IQSEC1: variants seen among roughly 807,000 people sequenced by gnomAD.
IQSEC1 encodes the protein IQ motif and Sec7 domain ArfGEF 1.
IQSEC1 carries 31 observed loss-of-function variants against 91.0 expected under a neutral mutation model. That is an observed-to-expected ratio of 0.34 (90% CI 0.26 to 0.46). The LOEUF (loss-of-function observed/expected upper bound fraction) is 0.46, where lower values mean the gene tolerates loss of function less well. IQSEC1 is among the 20% of genes least tolerant of loss of function. The probability of loss-of-function intolerance (pLI) is 1.00; values close to 1 mark genes in which losing one functional copy is unlikely to be tolerated. For synonymous variants in IQSEC1, 699 were observed against 662.6 expected (o/e 1.05, Z -0.84); for missense variants, 1,388 against 1,575.6 (o/e 0.88, Z 2.02).
intron 13 of IQSEC1, 60 bp from the exon 14 acceptor site, chr3:12,901,582 GA>G: frequency 2.2e-6 from 3 of 1,374,766 alleles, no homozygotes; most frequent in Middle Eastern, 1.8e-4. Context: ...AGGTCAGAAT[GA>G]TTTTTTTTTT....
intron 6 of IQSEC1, among the ~76,000 whole-genome samples, chr3:12,916,690 G>A (rs1290899580): frequency 2.6e-5 from 4 of 152,222 alleles, no homozygotes; most frequent in Non-Finnish European, 4.4e-5. Flanking sequence ...CATGGGAAAT[G>A]AGACACATAC....
At chr3:13,007,768 G>A (rs1368995976) in intron 1 of IQSEC1, among the ~76,000 whole-genome samples, 1 of 152,208 alleles carries the variant, frequency 6.6e-6, no homozygotes, top group Admixed American at 6.5e-5. Context: ...CGGTTTCTGT[G>A]CTTGCAGATG....
At chr3:13,135,827 T>C (rs931404849) in intron 2 of IQSEC1, among the ~76,000 whole-genome samples, 10 of 152,140 alleles carry the variant, frequency 6.6e-5, no homozygotes, top group African/African-American at 2.4e-4. Flanking sequence ...ATGGGAAGGC[T>C]GTCGAGGGCC....
intron 2 of IQSEC1, among the ~76,000 whole-genome samples, chr3:13,144,776 G>A (rs911977872): frequency 6.6e-6 from 1 of 152,246 alleles, no homozygotes; most frequent in Non-Finnish European, 1.5e-5. Flanking sequence ...GAAAAGGCCA[G>A]GACTGATAGC....
chr3:13,032,873 ATTT>A (rs1703898453), intron 1 of IQSEC1, among the ~76,000 whole-genome samples: 1 of 152,100 alleles, frequency 6.6e-6, no homozygotes, highest in Non-Finnish European at 1.5e-5. Flanking sequence ...CCTTAAAAAT[ATTT>A]TTTAAAACAT....
intron 1 of IQSEC1, among the ~76,000 whole-genome samples, chr3:13,034,156 C>T (rs975535128): frequency 1.3e-5 from 2 of 152,190 alleles, no homozygotes; most frequent in Non-Finnish European, 2.9e-5. Flanking sequence ...GTGACAGGCC[C>T]TGCCAGGCGA....
intron 1 of IQSEC1, among the ~76,000 whole-genome samples, chr3:13,048,065 T>C (rs1280008599): frequency 6.6e-6 from 1 of 152,144 alleles, no homozygotes; most frequent in Non-Finnish European, 1.5e-5. Flanking sequence ...GTTCGGTCTG[T>C]GCTATGGGGT....
intron 1 of IQSEC1, among the ~76,000 whole-genome samples, chr3:13,263,434 G>T (rs1405455426): frequency 7.6e-6 from 1 of 132,014 alleles, no homozygotes; most frequent in African/African-American, 2.6e-5. Flanking sequence ...TTTTGGGGGG[G>T]GGGGGAAAGT....
chr3:12,987,377 G>A (rs942099203), intron 1 of IQSEC1, among the ~76,000 whole-genome samples: 3 of 152,230 alleles, frequency 2.0e-5, no homozygotes, highest in Non-Finnish European at 2.9e-5. Context: ...AAATGGTGCC[G>A]GGCCACCTGG....
In IQSEC1 at chr3:12,959,261, G is replaced by C. The variant is rs1576045849; in HGVS notation, c.24-17396C>G. On this transcript the variant is annotated intron_variant, in intron 1 of 13. Transcript: ENST00000613206. ...AGACGAGGGGCTGACAGGCCTGGGAGGGTGGCAGGGGCGCAGCCTGGCTAC... is the reference window on the plus strand; with the variant it reads ...AGACGAGGGGCTGACAGGCCTGGGACGGTGGCAGGGGCGCAGCCTGGCTAC... Among the ~76,000 whole-genome samples, 4 of 152,338 alleles carry C rather than the reference G, an allele frequency of 2.6e-5. No homozygotes were observed. In the East Asian group the frequency reaches 7.7e-4, roughly 29 times the overall value.
At chr3:13,163,965 G>A (rs1214236284) in intron 2 of IQSEC1, among the ~76,000 whole-genome samples, 1 of 152,198 alleles carries the variant, frequency 6.6e-6, no homozygotes, top group Non-Finnish European at 1.5e-5. Context: ...TGGGGCACAC[G>A]CCAGGGCTGA....
At chr3:12,954,945 G>C (rs1043952136) in intron 1 of IQSEC1, among the ~76,000 whole-genome samples, 3 of 152,168 alleles carry the variant, frequency 2.0e-5, no homozygotes, top group African/African-American at 7.2e-5. Flanking sequence ...TTCTTCTCCC[G>C]CAACTCCACA....
intron 1 of IQSEC1, among the ~76,000 whole-genome samples, chr3:13,001,984 G>A (rs966430205): frequency 9.2e-5 from 14 of 152,214 alleles, no homozygotes; most frequent in Non-Finnish European, 1.8e-4. Flanking sequence ...ACTTGAACCC[G>A]GAGGCAGGGT....
chr3:13,241,773 G>A lies in IQSEC1; in HGVS notation c.272+40938C>T, dbSNP rs113596343. Among the ~76,000 whole-genome samples, 848 of 152,350 alleles carry A rather than the reference G, an allele frequency of 5.6e-3. 10 individuals carry two copies. The highest frequency in any genetic ancestry group is 0.019 in the African/African-American group (794 of 41,580). On this transcript the variant is annotated intron_variant, in intron 1 of 15. Transcript: ENST00000648114. ...GCTCATCCCAGAGGGGGATAGCCCC[G>A]GGAGGGGGACCCACTGGCCCCTGGA...
intron 2 of IQSEC1, among the ~76,000 whole-genome samples, chr3:13,112,283 A>G (rs1706259472): frequency 6.6e-6 from 1 of 152,228 alleles, no homozygotes; most frequent in African/African-American, 2.4e-5. Flanking sequence ...TGCAGTGGAC[A>G]GGGCAGCAAG....
rs530303855 is a variant in IQSEC1 at position 13,174,967 on chromosome 3, G to A, written c.273-10834C>T. ...CTGCTGGTCCCTCCTCCTGGCATGC[G>A]CTGCCCCAGGCACACAGCATCGTCC... On this transcript the variant is annotated intron_variant, in intron 1 of 15. Transcript: ENST00000648114. Among the ~76,000 whole-genome samples the A allele has an allele frequency of 1.2e-4, 18 of 152,154 alleles. 2 individuals carry two copies. Among genetic ancestry groups the A allele is most frequent in the Admixed American group, 7.2e-4 (11 of 15,284 alleles).
intron 1 of IQSEC1, among the ~76,000 whole-genome samples, chr3:13,029,667 C>T (rs1182418259): frequency 1.3e-5 from 2 of 152,242 alleles, no homozygotes; most frequent in Admixed American, 6.5e-5. Flanking sequence ...AGGAACCCTC[C>T]CCTTGTGCGT....
chr3:12,941,865 G>A lies in IQSEC1; in HGVS notation c.24C>T (p.Phe8=), dbSNP rs144969281. The change falls in exon 2 of 14, where the codon TTC becomes TTT. Residue 8 remains phenylalanine (F), a splice_region_variant and synonymous_variant. Transcript: ENST00000613206. MACRRRY[F]VEGEAPSSET... ...CACTGCTGGGGGCCTCGCCCTCGACGCTGCAGAGGAGAGAGAGGTGAGAAG... is the reference window on the plus strand; with the variant it reads ...CACTGCTGGGGGCCTCGCCCTCGACACTGCAGAGGAGAGAGAGGTGAGAAG... 1.4e-5 allele frequency: 22 copies of A among 1,587,268 alleles called. No individual in the cohort carries two copies. The highest frequency in any genetic ancestry group is 8.0e-5 in the African/African-American group (6 of 74,546).
At chr3:13,276,444 G>T (rs1279552226) in intron 1 of IQSEC1, among the ~76,000 whole-genome samples, 2 of 152,148 alleles carry the variant, frequency 1.3e-5, no homozygotes, top group Admixed American at 1.3e-4. Context: ...ACCACCTAAT[G>T]CGGGGCCACA....
Sources: allele counts gnomAD v4.1 joint callset (sites outside exome capture counted in the v4.1 genomes callset), GRCh38; gene constraint gnomAD v4.1.1; transcripts MANE v1.5; gene names NCBI Gene and HGNC (gene_info 2026-07-23, HGNC 2026-07-21).